The following USP26 variants were observed in gnomAD, a reference collection of about 807,000 sequenced individuals.
USP26 encodes ubiquitin specific peptidase 26, also known as ubiquitin carboxyl-terminal hydrolase 26.
For missense variants in USP26, 649 were observed against 642.3 expected, an observed-to-expected ratio of 1.01 and a Z score of -0.11; for synonymous variants, 236 against 240.6, an observed-to-expected ratio of 0.98 and a Z score of 0.18.
chrX:133,074,980 A>T (rs192546483), intron 5 of USP26, among the ~76,000 whole-genome samples: 3 of 111,968 alleles, frequency 2.7e-5, no homozygotes, highest in African/African-American at 9.7e-5. Context: ...CTCTGTACTC[A>T]GGGTCAAATG....
intron 5 of USP26, among the ~76,000 whole-genome samples, chrX:133,082,188 T>TTGCTTTATTGTCATCC (rs1311334194): frequency 8.9e-6 from 1 of 111,853 alleles, no homozygotes; most frequent in Non-Finnish European, 1.9e-5. Flanking sequence ...GTCTTCCTGT[T>TTGCTTTATTGTCATCC]TGCTTTATTG....
At chrX:133,039,448 T>A (rs910163839) in intron 5 of USP26, among the ~76,000 whole-genome samples, 4 of 112,266 alleles carry the variant, frequency 3.6e-5, no homozygotes, top group African/African-American at 1.3e-4. Context: ...AAGCAGGTTG[T>A]TCTGTTTCCA....
intron 5 of USP26, among the ~76,000 whole-genome samples, chrX:133,064,177 A>G (rs1177268119): frequency 8.9e-6 from 1 of 112,320 alleles, no homozygotes; most frequent in Non-Finnish European, 1.9e-5. Flanking sequence ...AAGAAGAGCT[A>G]ACTATCCTAA....
In USP26 at chrX:133,027,016, T is replaced by A; in HGVS notation, c.1205A>T (p.Asn402Ile). The change falls in exon 6 of 6, where the codon AAC (asparagine) becomes ATC (isoleucine). Residue 402 changes from asparagine to isoleucine, a missense_variant. By Grantham distance (149) the Asn-to-Ile change is moderately radical. Transcript: ENST00000511190. ...TTCACTTTTAGGCTTCCAAATTGTG[T>A]TGAGTTTTTCCATGTTATCTTTCAG... is the stretch of plus-strand genomic sequence containing the variant. ...DQLKDNMEKL[N>I]TIWKPKSEFG... is the part of the protein sequence containing the mutation. The A allele has an allele frequency of 8.3e-7, 1 of 1,211,784 alleles. No homozygotes were observed. The highest frequency in any genetic ancestry group is 1.1e-6 in the Non-Finnish European group (1 of 895,454).
intron 5 of USP26, among the ~76,000 whole-genome samples, chrX:133,061,518 C>T (rs1428493209): frequency 1.8e-5 from 2 of 112,371 alleles, no homozygotes; most frequent in Admixed American, 9.4e-5. Context: ...GAAAGATGGC[C>T]GAATAGGAAC....
intron 5 of USP26, among the ~76,000 whole-genome samples, chrX:133,071,978 T>C (rs2067532181): frequency 1.8e-5 from 2 of 111,664 alleles, no homozygotes; most frequent in African/African-American, 6.5e-5. Context: ...GGGGCCACAG[T>C]ACATGGTAGG....
chrX:133,044,026 A>T (rs1423124169), intron 5 of USP26, among the ~76,000 whole-genome samples: 2 of 112,589 alleles, frequency 1.8e-5, no homozygotes, highest in Non-Finnish European at 3.8e-5. Context: ...TTGTCTTTCA[A>T]TTTCTGTCAA....
At chrX:133,059,322 C>A (rs2148532141) in intron 5 of USP26, among the ~76,000 whole-genome samples, 1 of 111,549 alleles carries the variant, frequency 9.0e-6, no homozygotes, top group African/African-American at 3.3e-5. Flanking sequence ...AGAGCAACTG[C>A]TCTATTGTTC....
At chrX:133,089,770 G>A (rs1202814288) in intron 4 of USP26, among the ~76,000 whole-genome samples, 2 of 111,934 alleles carry the variant, frequency 1.8e-5, no homozygotes, top group African/African-American at 6.5e-5. Context: ...AGCAAAGAAG[G>A]ATTCCTGTTT....
chrX:133,044,705 C>T (rs1056921857), intron 5 of USP26, among the ~76,000 whole-genome samples: 5 of 113,209 alleles, frequency 4.4e-5, no homozygotes, highest in Non-Finnish European at 9.4e-5. Flanking sequence ...CCCCGACGAG[C>T]GTCACCCCCT....
chrX:133,079,754 G>A (rs2067563327), intron 5 of USP26, among the ~76,000 whole-genome samples: 1 of 111,952 alleles, frequency 8.9e-6, no homozygotes, highest in African/African-American at 3.2e-5. Context: ...AGCCAAGAAA[G>A]AGAAAATTAT....
chrX:133,027,200 A>T lies in USP26; in HGVS notation c.1021T>A (p.Cys341Ser), dbSNP rs1391476052. The change falls in exon 6 of 6, where the codon TGC becomes AGC. Residue 341 changes from cysteine to serine, a missense_variant. By Grantham distance (112) the Cys-to-Ser change is moderately radical. Transcript: ENST00000511190. ...GKIPLNALTM[C>S]LARLLFFKDT... is the part of the protein sequence containing the mutation. Reference sequence around the variant, plus strand: ...TTAAAAAAAAGTAGCCGTGCCAAGCACATGGTAAGAGCATTAAGGGGAATT... The same window carrying T: ...TTAAAAAAAAGTAGCCGTGCCAAGCTCATGGTAAGAGCATTAAGGGGAATT... The T allele has an allele frequency of 8.3e-7, 1 of 1,207,796 alleles. No homozygotes were observed. Among genetic ancestry groups the T allele is most frequent in the Non-Finnish European group, 1.1e-6 (1 of 893,676 alleles).
chrX:133,093,718 C>T (rs2067616089), intron 1 of USP26, among the ~76,000 whole-genome samples: 1 of 110,715 alleles, frequency 9.0e-6, no homozygotes, highest in African/African-American at 3.3e-5. Context: ...CAGTGGCTCA[C>T]GTCTATAATC....
In USP26 at chrX:133,026,014, G is replaced by A. The variant is rs764849641; in HGVS notation, c.2207C>T (p.Ser736Phe). ...IRIPERFQKV[S>F]EQTQQCDGMR... is the part of the protein sequence containing the mutation. Reference sequence around the variant, plus strand: ...ACCGTCACACTGCTGAGTCTGTTCAGACACTTTTTGGAATCTTTCTGGAAT... The same window carrying A: ...ACCGTCACACTGCTGAGTCTGTTCAAACACTTTTTGGAATCTTTCTGGAAT... The change falls in exon 6 of 6, where the codon TCT (serine) becomes TTT (phenylalanine). Residue 736 changes from serine to phenylalanine, a missense_variant. Coordinates refer to ENST00000511190, the MANE Select transcript of USP26 (RefSeq NM_031907.3). The A allele has an allele frequency of 7.9e-5, 96 of 1,209,785 alleles. No individual in the cohort carries two copies. The highest frequency in any genetic ancestry group is 2.3e-4 in the Middle Eastern group (1 of 4,351).
At chrX:133,060,397 C>T (rs1390793273) in intron 5 of USP26, among the ~76,000 whole-genome samples, 1 of 111,625 alleles carries the variant, frequency 9.0e-6, no homozygotes, top group African/African-American at 3.2e-5. Context: ...TTTTCTAATG[C>T]TAATGATCTA....
chrX:133,044,583 G>C (rs1023854797), intron 5 of USP26, among the ~76,000 whole-genome samples: 1 of 113,181 alleles, frequency 8.8e-6, no homozygotes, highest in Admixed American at 9.2e-5. Flanking sequence ...CGGTGCGCTC[G>C]ATTTTTCACA....
At chrX:133,075,836 C>T (rs2067546459) in intron 5 of USP26, among the ~76,000 whole-genome samples, 1 of 111,727 alleles carries the variant, frequency 9.0e-6, no homozygotes, top group Non-Finnish European at 1.9e-5. Flanking sequence ...AGAGAAAATC[C>T]TATTCTAGCT....
chrX:133,057,298 C>T (rs2067478804), intron 5 of USP26, among the ~76,000 whole-genome samples: 1 of 110,946 alleles, frequency 9.0e-6, no homozygotes, highest in Non-Finnish European at 1.9e-5. Context: ...ACTAATATAC[C>T]ACAGGATCAG....
At chrX:133,063,528 C>G (rs1379637765) in intron 5 of USP26, among the ~76,000 whole-genome samples, 1 of 111,774 alleles carries the variant, frequency 8.9e-6, no homozygotes, top group African/African-American at 3.3e-5. Flanking sequence ...AACAGTGGAT[C>G]TCTCTGCAAA....
Sources: allele counts gnomAD v4.1 joint callset (sites outside exome capture counted in the v4.1 genomes callset), GRCh38; gene constraint gnomAD v4.1.1; transcripts MANE v1.5; gene names NCBI Gene and HGNC (gene_info 2026-07-23, HGNC 2026-07-21).